The following FSIP1 variants were observed in gnomAD, a reference collection of about 807,000 sequenced individuals.
The protein encoded by FSIP1 is fibrous sheath-interacting protein 1.
Under a neutral mutation model 60.9 loss-of-function variants are expected in FSIP1, and 65 were observed. The observed-to-expected ratio is 1.07, with a 90% CI of 0.87 to 1.31. The LOEUF (loss-of-function observed/expected upper bound fraction) is 1.31. FSIP1 is among the 40% of genes most tolerant of loss of function. FSIP1 has a pLI of 0.00. For synonymous variants in FSIP1, 209 were observed against 221.2 expected, an observed-to-expected ratio of 0.94 and a Z score of 0.49; for missense variants, 675 against 665.5, an observed-to-expected ratio of 1.01 and a Z score of -0.16.
chr15:39,737,067 A>C (rs541140621), intron 8 of FSIP1, among the ~76,000 whole-genome samples: 2 of 152,292 alleles, frequency 1.3e-5, no homozygotes, highest in East Asian at 3.9e-4. Flanking sequence ...CATTCACTCC[A>C]TCATGTCCTT....
intron 10 of FSIP1, among the ~76,000 whole-genome samples, chr15:39,648,914 C>CTATT (rs1459157247): frequency 6.6e-6 from 1 of 151,346 alleles, no homozygotes; most frequent in African/African-American, 2.4e-5. Flanking sequence ...AAAAGGAAAG[C>CTATT]TATTTCAGAC....
At chr15:39,643,726 A>G (rs1444287674) in intron 10 of FSIP1, among the ~76,000 whole-genome samples, 1 of 152,236 alleles carries the variant, frequency 6.6e-6, no homozygotes, top group East Asian at 1.9e-4. Context: ...ATAAGTGGGA[A>G]CATCAAGTCT....
At chr15:39,752,425 T>C (rs1164915632) in intron 5 of FSIP1, among the ~76,000 whole-genome samples, 2 of 151,936 alleles carry the variant, frequency 1.3e-5, no homozygotes, top group East Asian at 1.9e-4. Context: ...AGTGGAAAAA[T>C]CTTACAAATA....
At chr15:39,705,186 G>A (rs1404683987) in intron 10 of FSIP1, among the ~76,000 whole-genome samples, 1 of 152,088 alleles carries the variant, frequency 6.6e-6, no homozygotes, top group African/African-American at 2.4e-5. Context: ...AATGGGATAA[G>A]GTCAGATTGA....
rs111258081 is a variant in FSIP1 at position 39,686,051 on chromosome 15, G to A, written c.1188+27393C>T. ...AAACTAATTTCAAATAACAAATTTG[G>A]AGGATGATAATTTCAGTGACCACAA... On this transcript the variant is annotated intron_variant, in intron 10 of 11. Coordinates refer to ENST00000350221, the MANE Select transcript of FSIP1 (RefSeq NM_152597.5). Among the ~76,000 whole-genome samples, 1,056 of 152,328 alleles carry A rather than the reference G, an allele frequency of 6.9e-3. 12 individuals carry two copies. Among genetic ancestry groups the A allele is most frequent in the African/African-American group, 0.024 (993 of 41,580 alleles).
chr15:39,672,675 G>A (rs1893769084), intron 10 of FSIP1, among the ~76,000 whole-genome samples: 1 of 152,110 alleles, frequency 6.6e-6, no homozygotes, highest in Non-Finnish European at 1.5e-5. Context: ...AACCTCAGAG[G>A]TAATATCACA....
At chr15:39,630,480 G>C (rs932782710) in intron 10 of FSIP1, among the ~76,000 whole-genome samples, 8 of 152,324 alleles carry the variant, frequency 5.3e-5, no homozygotes, top group African/African-American at 1.9e-4. Context: ...TCCCTTATTA[G>C]GTGGGTATCC....
intron 10 of FSIP1, among the ~76,000 whole-genome samples, chr15:39,701,861 C>A (rs568680776): frequency 1.3e-5 from 2 of 152,084 alleles, no homozygotes; most frequent in Non-Finnish European, 2.9e-5. Context: ...GGATTCAAGG[C>A]CCTTCAGTTT....
chr15:39,679,102 T>C (rs996774243), intron 10 of FSIP1, among the ~76,000 whole-genome samples: 4 of 152,250 alleles, frequency 2.6e-5, no homozygotes, highest in African/African-American at 9.6e-5. Context: ...TCAGTTTTTC[T>C]CTTTGTTAAT....
chr15:39,671,171 A>G (rs564328605), intron 10 of FSIP1, among the ~76,000 whole-genome samples: 46 of 152,332 alleles, frequency 3.0e-4, no homozygotes, highest in African/African-American at 1.1e-3. Context: ...AACTGGATTA[A>G]GGTAGGGAAC....
intron 10 of FSIP1, among the ~76,000 whole-genome samples, chr15:39,626,136 T>C (rs1891628811): frequency 6.6e-6 from 1 of 152,170 alleles, no homozygotes; most frequent in Non-Finnish European, 1.5e-5. Context: ...GATAGATGAG[T>C]CACATTGGAG....
At chr15:39,657,878 C>T (rs1270039267) in intron 10 of FSIP1, among the ~76,000 whole-genome samples, 2 of 152,054 alleles carry the variant, frequency 1.3e-5, no homozygotes, top group Non-Finnish European at 2.9e-5. Context: ...GATGACTGTA[C>T]AAATACACAG....
chr15:39,674,116 G>A (rs897605448), intron 10 of FSIP1, among the ~76,000 whole-genome samples: 4 of 151,032 alleles, frequency 2.6e-5, no homozygotes, highest in Admixed American at 1.3e-4. Flanking sequence ...GTGCAGTGGC[G>A]CGATCTCGGC....
chr15:39,657,055 A>G (rs1317683663), intron 10 of FSIP1, among the ~76,000 whole-genome samples: 6 of 152,220 alleles, frequency 3.9e-5, no homozygotes, highest in Non-Finnish European at 5.9e-5. Context: ...GGAAAGCAGC[A>G]CCTGGGACCC....
chr15:39,716,709 A>G (rs537279640), intron 9 of FSIP1, among the ~76,000 whole-genome samples: 5 of 152,148 alleles, frequency 3.3e-5, no homozygotes, highest in African/African-American at 1.2e-4. Context: ...GATGAAAAAA[A>G]CTGTGAACAC....
At chr15:39,743,531 CA>C (rs1896875252) in intron 5 of FSIP1, among the ~76,000 whole-genome samples, 1 of 152,056 alleles carries the variant, frequency 6.6e-6, no homozygotes, top group South Asian at 2.1e-4. Context: ...TGGAATTAAC[CA>C]TTTAGTAACC....
intron 10 of FSIP1, among the ~76,000 whole-genome samples, chr15:39,705,818 CA>C (rs1895241318): frequency 1.3e-5 from 2 of 151,962 alleles, no homozygotes; most frequent in Admixed American, 1.3e-4. Flanking sequence ...GCCAACATGG[CA>C]AAACCCCATC....
chr15:39,778,990 G>A (rs1306012712), intron 1 of FSIP1, among the ~76,000 whole-genome samples: 3 of 152,032 alleles, frequency 2.0e-5, no homozygotes, highest in African/African-American at 4.8e-5. Context: ...AAAAGGAAAA[G>A]ACTAACAGAT....
intron 10 of FSIP1, among the ~76,000 whole-genome samples, chr15:39,686,009 G>A (rs1272819930): frequency 6.6e-6 from 1 of 152,162 alleles, no homozygotes; most frequent in African/African-American, 2.4e-5. Context: ...AGGGTAACAA[G>A]AGCTGTCCAG....
Sources: allele counts gnomAD v4.1 joint callset (sites outside exome capture counted in the v4.1 genomes callset), GRCh38; gene constraint gnomAD v4.1.1; transcripts MANE v1.5; gene names NCBI Gene and HGNC (gene_info 2026-07-23, HGNC 2026-07-21).